NCOA2: variants seen among roughly 807,000 people sequenced by gnomAD.
NCOA2 encodes the protein nuclear receptor coactivator 2.
A neutral mutation model predicts 145.1 loss-of-function variants in NCOA2; 21 were observed. The ratio of observed to expected loss-of-function variants is 0.14; its 90% confidence interval spans 0.10 to 0.21. The LOEUF (loss-of-function observed/expected upper bound fraction) is 0.21. NCOA2 is among the 10% of genes least tolerant of loss of function. NCOA2 has a pLI of 1.00. For missense variants in NCOA2, 1,472 were observed against 1,837.6 expected, an observed-to-expected ratio of 0.80 and a Z score of 3.64; for synonymous variants, 619 against 637.5, an observed-to-expected ratio of 0.97 and a Z score of 0.44.
chr8:70,416,490 A>AAATACACT, the NCOA2 span, among the ~76,000 whole-genome samples: 2 of 152,234 alleles, frequency 1.3e-5, no homozygotes, highest in Non-Finnish European at 2.9e-5. Context: ...GTGTAACCAA[A>AAATACACT]AATACACTAA....
chr8:70,395,762 G>A (rs1243794032), intron 1 of NCOA2, among the ~76,000 whole-genome samples: 1 of 152,144 alleles, frequency 6.6e-6, no homozygotes, highest in Non-Finnish European at 1.5e-5. Context: ...ACTTCAATGG[G>A]CAGAGATCAG....
At chr8:70,215,511 A>C (rs540575970) in intron 3 of NCOA2, among the ~76,000 whole-genome samples, 1 of 152,230 alleles carries the variant, frequency 6.6e-6, no homozygotes, top group East Asian at 1.9e-4. Context: ...GTGGAGATTT[A>C]TTGGGCTTGA....
intron 2 of NCOA2, among the ~76,000 whole-genome samples, chr8:70,277,482 A>G (rs1179064188): frequency 6.6e-6 from 1 of 152,204 alleles, no homozygotes; most frequent in Non-Finnish European, 1.5e-5. Context: ...TAATCCTGAA[A>G]CTTTTTTAAA....
At chr8:70,278,499 C>T (rs553640993) in intron 2 of NCOA2, among the ~76,000 whole-genome samples, 3 of 152,238 alleles carry the variant, frequency 2.0e-5, no homozygotes, top group African/African-American at 7.2e-5. Flanking sequence ...CCTGGGGTGA[C>T]TCCTCCTTCC....
chr8:70,439,088 T>C, the NCOA2 span, among the ~76,000 whole-genome samples: 1 of 152,362 alleles, frequency 6.6e-6, no homozygotes, highest in Non-Finnish European at 1.5e-5. Flanking sequence ...ATAGGTCCTA[T>C]AATATCCTCT....
chr8:70,232,893 G>A (rs1023272292), intron 2 of NCOA2, among the ~76,000 whole-genome samples: 23 of 13,650 alleles, frequency 1.7e-3, no homozygotes, highest in Non-Finnish European at 3.9e-3. Flanking sequence ...ACACACACAC[G>A]TGCGTAGATA....
chr8:70,216,900 G>T, intron 2 of NCOA2, 136 bp from the exon 3 acceptor site: 1 of 581,140 alleles, frequency 1.7e-6, no homozygotes, highest in Non-Finnish European at 3.1e-6. Flanking sequence ...TGTTTTATGT[G>T]CATGTATAAT....
intron 15 of NCOA2, 32 bp from the exon 16 acceptor site, chr8:70,132,034 T>C (rs1337246173): frequency 2.8e-5 from 45 of 1,594,946 alleles, no homozygotes; most frequent in Non-Finnish European, 3.8e-5. Context: ...CTTGGGCCAA[T>C]GGAAAAGCTA....
At chr8:70,355,327 G>A (rs1281324642) in intron 1 of NCOA2, among the ~76,000 whole-genome samples, 1 of 152,170 alleles carries the variant, frequency 6.6e-6, no homozygotes, top group African/African-American at 2.4e-5. Flanking sequence ...AGTCCTTCAA[G>A]CCAGAATATC....
Position 70,156,069 on chromosome 8 carries a change from G to C in NCOA2, c.2296C>G (p.Leu766Val). The stretch of plus-strand genomic sequence containing the variant: ...TCTGTCTTACTGTCCAGTCTCTCAA[G>C]TTTGGGGGTTATTTCTGGTAAACCA... The part of the protein sequence containing the change: ...DIGLPEITPK[L>V]ERLDSKTDPA... Residue 766 changes from leucine to valine, a missense_variant, in exon 11 of 23, where the codon CTT becomes GTT. Transcript: ENST00000452400. The C allele has an allele frequency of 6.2e-7, 1 of 1,613,904 alleles. No homozygotes were observed. The highest frequency in any genetic ancestry group is 8.5e-7 in the Non-Finnish European group (1 of 1,179,850).
intron 2 of NCOA2, among the ~76,000 whole-genome samples, chr8:70,233,988 G>A (rs1821376709): frequency 1.3e-5 from 2 of 151,998 alleles, no homozygotes; most frequent in Admixed American, 1.3e-4. Context: ...ACCCCAAGAG[G>A]AAACCCCAAA....
intron 2 of NCOA2, among the ~76,000 whole-genome samples, chr8:70,268,661 T>A (rs552559767): frequency 6.6e-6 from 1 of 152,302 alleles, no homozygotes; most frequent in East Asian, 1.9e-4. Flanking sequence ...TTACTAATAT[T>A]TTTAGGCCCC....
chr8:70,309,342 G>T (rs536683486), intron 1 of NCOA2, among the ~76,000 whole-genome samples: 1 of 148,578 alleles, frequency 6.7e-6, no homozygotes, highest in African/African-American at 2.5e-5. Context: ...AAAATGAATC[G>T]CCTTTCATAA....
At chr8:70,337,139 C>A (rs1478519652) in intron 1 of NCOA2, among the ~76,000 whole-genome samples, 2 of 152,014 alleles carry the variant, frequency 1.3e-5, no homozygotes, top group East Asian at 3.9e-4. Context: ...CTGGTATGGA[C>A]TGATAATTGA....
chr8:70,386,510 A>C (rs1044073617), intron 1 of NCOA2, among the ~76,000 whole-genome samples: 4 of 152,200 alleles, frequency 2.6e-5, no homozygotes, highest in Non-Finnish European at 5.9e-5. Flanking sequence ...GCTTGTGGTA[A>C]AATAAACAGT....
At position 70,157,030 on chromosome 8, in the gene NCOA2, C is replaced by G. The variant is rs765455854; in HGVS notation, c.1335G>C (p.Gly445=). Residue 445 remains glycine, a synonymous_variant, in exon 11 of 23, where the codon GGG becomes GGC. Coordinates refer to ENST00000452400, the MANE Select transcript of NCOA2 (RefSeq NM_006540.4). ...GCATGCCTGACACATGGTTCATTCCCCCAGAACCACCAAACCTGCCCATGG... is the reference window on the plus strand; with the variant it reads ...GCATGCCTGACACATGGTTCATTCCGCCAGAACCACCAAACCTGCCCATGG... ...GMPMGRFGGS[G]GMNHVSGMQA... is the part of the protein sequence containing the mutation. 1.2e-6 allele frequency: 2 copies of G among 1,614,006 alleles called. No individual in the cohort carries two copies. Among genetic ancestry groups the G allele is most frequent in the African/African-American group, 1.3e-5 (1 of 75,044 alleles).
chr8:70,370,852 C>T (rs1226272294), intron 1 of NCOA2, among the ~76,000 whole-genome samples: 1 of 151,988 alleles, frequency 6.6e-6, no homozygotes, highest in Non-Finnish European at 1.5e-5. Flanking sequence ...GAATATTTAC[C>T]AGGAATAAAT....
intron 1 of NCOA2, among the ~76,000 whole-genome samples, chr8:70,387,870 G>C (rs982908219): frequency 2.0e-5 from 3 of 152,174 alleles, no homozygotes; most frequent in African/African-American, 7.2e-5. Context: ...AGTCCAATTT[G>C]TAGATATTCT....
intron 1 of NCOA2, among the ~76,000 whole-genome samples, chr8:70,370,430 T>C (rs1376438354): frequency 6.6e-6 from 1 of 152,232 alleles, no homozygotes; most frequent in African/African-American, 2.4e-5. Context: ...GACATATTTA[T>C]TTCCTTTCCA....
Sources: allele counts gnomAD v4.1 joint callset (sites outside exome capture counted in the v4.1 genomes callset), GRCh38; gene constraint gnomAD v4.1.1; transcripts MANE v1.5; gene names NCBI Gene and HGNC (gene_info 2026-07-23, HGNC 2026-07-21).